Variants in AGBL1 observed in about 807,000 individuals in gnomAD.
The protein encoded by AGBL1 is AGBL carboxypeptidase 1, also known as cytosolic carboxypeptidase 4.
Under a neutral mutation model 118.9 loss-of-function variants are expected in AGBL1, and 130 were observed. That is an observed-to-expected ratio of 1.09 (90% CI 0.95 to 1.26). AGBL1 has a LOEUF of 1.26. Among genes scored for constraint, AGBL1 ranks in the 50% most tolerant of loss-of-function variants. The pLI, the probability that AGBL1 is intolerant of heterozygous loss-of-function variation, is 0.00. For missense variants in AGBL1, 1,584 were observed against 1,298.1 expected (o/e 1.22, Z -3.38); for synonymous variants, 555 against 478.9 (o/e 1.16, Z -2.08).
rs762996754 is a variant in AGBL1 at position 86,567,951 on chromosome 15, G to A, written c.2994+13414G>A. Among the ~76,000 whole-genome samples, 31 of 152,200 alleles carry A rather than the reference G, an allele frequency of 2.0e-4. 1 individual carries two copies. Among genetic ancestry groups the A allele is most frequent in the Middle Eastern group, 3.4e-3 (1 of 294 alleles). On this transcript the variant is annotated intron_variant, in intron 21 of 22. Transcript: ENST00000614907. The stretch of plus-strand genomic sequence containing the variant: ...TCAGACCAGATGTAAAAGGTGAGAT[G>A]GTTTTGAGACAAGTTTTTGTTTTTC...
rs76046280 is a variant in AGBL1 at position 86,104,815 on chromosome 15, C to T, written c.51+24792C>T. 1.4e-3 allele frequency among the ~76,000 whole-genome samples: 212 copies of T among 152,242 alleles called. 6 individuals are homozygous for T. The East Asian group carries it at 0.039, about 28-fold the overall frequency. ...GTGGGGGTGGTTGTGGGACCCAGTG[C>T]GAGCTCCCTCTCTGGAGTAATGCCA... On this transcript the variant is annotated intron_variant, in intron 1 of 22. Coordinates refer to ENST00000614907, the MANE Select transcript of AGBL1 (RefSeq NM_001386094.1).
chr15:86,144,237 A>G (rs1180529600), intron 3 of AGBL1, among the ~76,000 whole-genome samples: 1 of 152,258 alleles, frequency 6.6e-6, no homozygotes, highest in African/African-American at 2.4e-5. Flanking sequence ...AGTTAGTTCC[A>G]CCATTGTGGA....
At position 86,910,649 on chromosome 15, in the gene AGBL1, C is replaced by G. The variant is rs912964547; in HGVS notation, c.*3355C>G. Reference sequence around the variant, plus strand: ...AAAGATAATAAGTGCAGTTTGGGGACATGTTAAATGTTGGTGGCCTACATG... The same window carrying G: ...AAAGATAATAAGTGCAGTTTGGGGAGATGTTAAATGTTGGTGGCCTACATG... On this transcript the variant is annotated 3_prime_UTR_variant, in exon 23 of 23. Transcript: ENST00000614907. The G allele has an allele frequency of 2.0e-5, 3 of 152,134 alleles. No individual in the cohort carries two copies. Among genetic ancestry groups the G allele is most frequent in the African/African-American group, 7.2e-5 (3 of 41,420 alleles). 9.4% of individuals were successfully genotyped at this position (152,134 alleles called of 1,614,324 possible).
intron 21 of AGBL1, among the ~76,000 whole-genome samples, chr15:86,662,639 T>G (rs1266871831): frequency 6.6e-6 from 1 of 152,244 alleles, no homozygotes; most frequent in Non-Finnish European, 1.5e-5. Context: ...GCCACCTTCA[T>G]TGATAAAATC....
chr15:86,777,772 G>GT (rs1304098013), intron 22 of AGBL1, among the ~76,000 whole-genome samples: 2 of 151,908 alleles, frequency 1.3e-5, no homozygotes. Flanking sequence ...TACCTCTTCT[G>GT]TTTTTTTCTT....
chr15:86,953,618 T>C (rs2141674214), intron 23 of AGBL1, among the ~76,000 whole-genome samples: 1 of 152,228 alleles, frequency 6.6e-6, no homozygotes, highest in East Asian at 1.9e-4. Context: ...CTCAAACTCC[T>C]GAGCTCAAGC....
intron 23 of AGBL1, among the ~76,000 whole-genome samples, chr15:86,961,220 TTTTGTCACTAATAC>T (rs2080989502): frequency 1.3e-5 from 2 of 152,078 alleles, no homozygotes; most frequent in Non-Finnish European, 2.9e-5. Context: ...TGTTTACAAT[TTTTGTCACTAATAC>T]TAAATAAAGC....
intron 23 of AGBL1, among the ~76,000 whole-genome samples, chr15:86,985,634 T>A (rs2081273600): frequency 6.6e-6 from 1 of 151,916 alleles, no homozygotes; most frequent in African/African-American, 2.4e-5. Context: ...ATTTTTTTTT[T>A]ATCAGATTTG....
chr15:86,587,095 C>T (rs1839733743), intron 21 of AGBL1, among the ~76,000 whole-genome samples: 1 of 152,184 alleles, frequency 6.6e-6, no homozygotes, highest in African/African-American at 2.4e-5. Flanking sequence ...TCTCTCCTTA[C>T]TGCTAAATTA....
intron 22 of AGBL1, among the ~76,000 whole-genome samples, chr15:86,898,194 T>C (rs1036249883): frequency 1.1e-4 from 17 of 152,176 alleles, no homozygotes; most frequent in African/African-American, 3.9e-4. Flanking sequence ...TTGGGAAATT[T>C]AGTATTTTAT....
chr15:86,726,323 A>G (rs116204858), intron 22 of AGBL1, among the ~76,000 whole-genome samples: 3,459 of 152,260 alleles, frequency 0.023, 118 homozygotes, highest in African/African-American at 0.077. Flanking sequence ...AGTCAGGGCC[A>G]ATTTGGGTTG....
rs1348373699 is a variant in AGBL1, at chr15:86,271,637, A to G, written c.2006A>G (p.Tyr669Cys). 1.2e-6 allele frequency: 2 copies of G among 1,612,392 alleles called. No individual in the cohort carries two copies. Among genetic ancestry groups the G allele is most frequent in the Non-Finnish European group, 1.7e-6 (2 of 1,178,470 alleles). The part of the protein sequence containing the change: ...QFNYGMQPTL[Y>C]SVKEALLGKP... ...TGTGTAGGGATGCAGCCCACCCTAT[A>G]TTCTGTGAAGGAGGCTCTTCTTGGC... The change falls in exon 15 of 23, where the codon TAT becomes TGT. Residue 669 changes from tyrosine (Y) to cysteine (C), a missense_variant. Transcript: ENST00000614907.
intron 22 of AGBL1, among the ~76,000 whole-genome samples, chr15:86,861,719 A>G (rs1596562044): frequency 6.6e-6 from 1 of 152,228 alleles, no homozygotes; most frequent in African/African-American, 2.4e-5. Flanking sequence ...TTTTTAAAAC[A>G]TTGCCTCATC....
At chr15:86,858,503 A>AGCAGGAG (rs1398775227) in intron 22 of AGBL1, among the ~76,000 whole-genome samples, 3 of 135,012 alleles carry the variant, frequency 2.2e-5, no homozygotes, top group Non-Finnish European at 3.2e-5. Context: ...TGTGTAAGGG[A>AGCAGGAG]GCAGGAGACT....
intron 20 of AGBL1, among the ~76,000 whole-genome samples, chr15:86,550,360 G>A (rs2083647584): frequency 6.6e-6 from 1 of 151,994 alleles, no homozygotes; most frequent in Admixed American, 6.6e-5. Context: ...TAAAAAATAG[G>A]TTCAAGTATA....
chr15:86,624,408 A>G (rs1339879168), intron 21 of AGBL1, among the ~76,000 whole-genome samples: 1 of 152,220 alleles, frequency 6.6e-6, no homozygotes. Context: ...CACCTACAGT[A>G]TACAGTGCCA....
intron 1 of AGBL1, among the ~76,000 whole-genome samples, chr15:86,099,837 C>A (rs1410076918): frequency 2.0e-5 from 3 of 151,956 alleles, no homozygotes; most frequent in Non-Finnish European, 4.4e-5. Flanking sequence ...ATTTTTTTCT[C>A]ATGCCAGATT....
intron 24 of AGBL1, among the ~76,000 whole-genome samples, chr15:86,994,685 A>G (rs1489190783): frequency 6.6e-6 from 1 of 152,220 alleles, no homozygotes; most frequent in Non-Finnish European, 1.5e-5. Flanking sequence ...TGCTTAAAGA[A>G]AAGTTGCTTT....
intron 18 of AGBL1, among the ~76,000 whole-genome samples, chr15:86,434,216 C>T (rs532259883): frequency 1.3e-5 from 2 of 152,362 alleles, no homozygotes; most frequent in African/African-American, 4.8e-5. Context: ...CTGTTGTCCA[C>T]ACAGAGTTTT....
Sources: allele counts gnomAD v4.1 joint callset (sites outside exome capture counted in the v4.1 genomes callset), GRCh38; gene constraint gnomAD v4.1.1; transcripts MANE v1.5; gene names NCBI Gene and HGNC (gene_info 2026-07-23, HGNC 2026-07-21).